Variants in MACROD2 observed in about 807,000 individuals in gnomAD.
The protein encoded by MACROD2 is ADP-ribose glycohydrolase MACROD2.
In MACROD2, 36 loss-of-function variants were observed where a neutral mutation model predicts 70.4. The observed-to-expected ratio is 0.51, with a 90% CI of 0.39 to 0.68. MACROD2 has a LOEUF of 0.68. Among genes scored for constraint, MACROD2 ranks in the 30% least tolerant of loss-of-function variants. The pLI is 0.00. For missense variants in MACROD2, 496 were observed against 538.4 expected (o/e 0.92, Z 0.78); for synonymous variants, 172 against 178.8 (o/e 0.96, Z 0.30).
intron 5 of MACROD2, among the ~76,000 whole-genome samples, chr20:14,910,958 T>C (rs1159158461): frequency 6.6e-6 from 1 of 152,172 alleles, no homozygotes; most frequent in African/African-American, 2.4e-5. Context: ...TTATTGAAAA[T>C]TAAAGTTTCA....
intron 4 of MACROD2, among the ~76,000 whole-genome samples, chr20:14,555,093 T>G (rs1189117895): frequency 6.6e-6 from 1 of 151,698 alleles, no homozygotes; most frequent in East Asian, 1.9e-4. Context: ...AATTGTATAT[T>G]TTAAAAAACT....
At chr20:15,305,336 A>G (rs143141124) in intron 6 of MACROD2, among the ~76,000 whole-genome samples, 62 of 152,246 alleles carry the variant, frequency 4.1e-4, no homozygotes, top group Non-Finnish European at 7.4e-4. Flanking sequence ...TCTTTTTCCA[A>G]AATGATTCAG....
At chr20:14,248,067 T>C (rs1471415780) in intron 3 of MACROD2, among the ~76,000 whole-genome samples, 1 of 151,202 alleles carries the variant, frequency 6.6e-6, no homozygotes, top group Non-Finnish European at 1.5e-5. Context: ...ACACATTACT[T>C]TTTCACTGTA....
At chr20:14,978,894 T>TAATA in intron 5 of MACROD2, among the ~76,000 whole-genome samples, 1 of 4,680 alleles carries the variant, frequency 2.1e-4, no homozygotes, top group East Asian at 0.028. Context: ...AATATATATA[T>TAATA]TATATAATAT....
At chr20:14,725,070 T>C (rs1568760263) in intron 5 of MACROD2, among the ~76,000 whole-genome samples, 1 of 151,964 alleles carries the variant, frequency 6.6e-6, no homozygotes, top group Admixed American at 6.6e-5. Context: ...TGCTCATGGA[T>C]TGGATATGGG....
At chr20:15,149,267 G>A (rs1392777946) in intron 5 of MACROD2, among the ~76,000 whole-genome samples, 2 of 152,062 alleles carry the variant, frequency 1.3e-5, no homozygotes, top group Non-Finnish European at 2.9e-5. Context: ...ACGATGCAAA[G>A]GAAATGAGAG....
At chr20:15,160,297 C>A (rs1315033817) in intron 5 of MACROD2, among the ~76,000 whole-genome samples, 4 of 151,944 alleles carry the variant, frequency 2.6e-5, no homozygotes, top group Non-Finnish European at 5.9e-5. Context: ...GATTCTGGAA[C>A]AAGAAATGGT....
chr20:15,874,973 G>T (rs2147188755), intron 9 of MACROD2, among the ~76,000 whole-genome samples: 1 of 152,244 alleles, frequency 6.6e-6, no homozygotes, highest in African/African-American at 2.4e-5. Flanking sequence ...GGCAGAAGGA[G>T]CTGTGACTGT....
intron 5 of MACROD2, among the ~76,000 whole-genome samples, chr20:15,031,059 G>A (rs545192932): frequency 6.6e-6 from 1 of 152,338 alleles, no homozygotes; most frequent in Non-Finnish European, 1.5e-5. Context: ...GGAGCTCAGG[G>A]TCTGGCCACT....
chr20:15,449,591 A>G (rs1166914344), intron 7 of MACROD2, among the ~76,000 whole-genome samples: 1 of 152,098 alleles, frequency 6.6e-6, no homozygotes, highest in Non-Finnish European at 1.5e-5. Context: ...ATATAACCAA[A>G]TTTTCAGTCT....
intron 8 of MACROD2, among the ~76,000 whole-genome samples, chr20:15,509,509 C>T (rs370687448): frequency 9.2e-5 from 14 of 152,138 alleles, no homozygotes; most frequent in Non-Finnish European, 1.8e-4. Flanking sequence ...TGAAAAAGAA[C>T]GGATCCCTTT....
At chr20:14,427,984 A>T (rs564840589) in intron 3 of MACROD2, among the ~76,000 whole-genome samples, 2 of 152,280 alleles carry the variant, frequency 1.3e-5, no homozygotes, top group South Asian at 2.1e-4. Flanking sequence ...TTGTAACCTT[A>T]TCATAATTTC....
intron 5 of MACROD2, among the ~76,000 whole-genome samples, chr20:14,765,720 A>G (rs564706625): frequency 6.6e-6 from 1 of 152,212 alleles, no homozygotes; most frequent in Admixed American, 6.5e-5. Context: ...TTTAAAATAA[A>G]TCAACATATG....
At chr20:16,044,152 G>A (rs1333697255) in intron 16 of MACROD2, among the ~76,000 whole-genome samples, 5 of 152,078 alleles carry the variant, frequency 3.3e-5, no homozygotes, top group East Asian at 1.9e-4. Flanking sequence ...CAATCATGGC[G>A]GGAGAGGAAG....
In MACROD2 at chr20:15,453,517, A is replaced by G. The variant is rs111344727; in HGVS notation, c.571+22082A>G. The stretch of plus-strand genomic sequence containing the variant: ...CGCCTATCTTTAAGTTAACAACATT[A>G]GTTACTATGTCCTGGAAACCTATAA... On this transcript the variant is annotated intron_variant, in intron 7 of 17. Coordinates refer to ENST00000684519, the MANE Select transcript of MACROD2 (RefSeq NM_001351661.2). 4.4e-3 allele frequency among the ~76,000 whole-genome samples: 673 copies of G among 152,310 alleles called. 4 individuals are homozygous for G. Among genetic ancestry groups the G allele is most frequent in the African/African-American group, 0.015 (642 of 41,560 alleles).
rs2050265958 is a variant in MACROD2, at chr20:15,689,141, T to A, written c.646-173604T>A. Among the ~76,000 whole-genome samples, 3 of 152,084 alleles carry A rather than the reference T, an allele frequency of 2.0e-5. No homozygotes were observed. In the South Asian group the frequency reaches 6.2e-4, roughly 32 times the overall value. On this transcript the variant is annotated intron_variant, in intron 8 of 17. Coordinates refer to ENST00000684519, the MANE Select transcript of MACROD2 (RefSeq NM_001351661.2). Reference sequence around the variant, plus strand: ...CAACATGGCGAAAACTTGTCTCTACTAAAAATACAAAAATTAGCTGGGCAT... The same window carrying A: ...CAACATGGCGAAAACTTGTCTCTACAAAAAATACAAAAATTAGCTGGGCAT...
At chr20:14,328,407 G>GT (rs1215553620) in intron 3 of MACROD2, among the ~76,000 whole-genome samples, 1 of 152,044 alleles carries the variant, frequency 6.6e-6, no homozygotes, top group African/African-American at 2.4e-5. Context: ...TGTTGTCACA[G>GT]TGCATTTATA....
chr20:16,039,694 A>G (rs1255128184), intron 15 of MACROD2, among the ~76,000 whole-genome samples: 2 of 151,954 alleles, frequency 1.3e-5, no homozygotes, highest in Non-Finnish European at 2.9e-5. Context: ...GAGTATGTTG[A>G]TGAACAATTG....
chr20:14,988,679 C>T (rs1731411052), intron 5 of MACROD2, among the ~76,000 whole-genome samples: 1 of 152,134 alleles, frequency 6.6e-6, no homozygotes, highest in Non-Finnish European at 1.5e-5. Context: ...CCACATCTGG[C>T]ATTCGCACTG....
Sources: allele counts gnomAD v4.1 joint callset (sites outside exome capture counted in the v4.1 genomes callset), GRCh38; gene constraint gnomAD v4.1.1; transcripts MANE v1.5; gene names NCBI Gene and HGNC (gene_info 2026-07-23, HGNC 2026-07-21).